The following SYT16 variants were observed in gnomAD, a reference collection of about 807,000 sequenced individuals.
SYT16 encodes synaptotagmin-16.
In SYT16, 42 loss-of-function variants were observed where a neutral mutation model predicts 61.4. That is an observed-to-expected ratio of 0.68 (90% CI 0.53 to 0.89). The LOEUF (loss-of-function observed/expected upper bound fraction) is 0.89. Among genes scored for constraint, SYT16 ranks in the 40% least tolerant of loss-of-function variants. The pLI is 0.00. For missense variants in SYT16, 804 were observed against 807.3 expected (o/e 1.00, Z 0.05); for synonymous variants, 314 against 302.3 (o/e 1.04, Z -0.40).
At chr14:62,038,363 G>T (rs538792378) in intron 3 of SYT16, among the ~76,000 whole-genome samples, 1 of 151,714 alleles carries the variant, frequency 6.6e-6, no homozygotes, top group East Asian at 2.0e-4. Flanking sequence ...TCCATCAGGG[G>T]TGCCTGCAAG....
intron 1 of SYT16, among the ~76,000 whole-genome samples, chr14:61,884,519 G>T (rs994627687): frequency 6.6e-6 from 1 of 152,202 alleles, no homozygotes; most frequent in Non-Finnish European, 1.5e-5. Context: ...GTGATAAACA[G>T]CTTCTCTTCT....
At chr14:61,865,240 C>T in intron 1 of SYT16, 1 of 935,774 alleles carries the variant, frequency 1.1e-6, no homozygotes, top group Non-Finnish European at 1.7e-6. Context: ...TGTTGCTGGA[C>T]ATCAGGCCTA....
chr14:61,938,702 G>C (rs2050087747), intron 1 of SYT16, among the ~76,000 whole-genome samples: 1 of 152,090 alleles, frequency 6.6e-6, no homozygotes, highest in African/African-American at 2.4e-5. Flanking sequence ...ATTAACACCA[G>C]CTAAGGGGGA....
Position 62,107,342 on chromosome 14 carries a change from A to C in SYT16, c.*6635A>C, listed in dbSNP as rs1234127961. 1 of 152,044 alleles carries C rather than the reference A, an allele frequency of 6.6e-6. No homozygotes were observed. The highest frequency in any genetic ancestry group is 1.5e-5 in the Non-Finnish European group (1 of 68,102). 9.4% of individuals were successfully genotyped at this position (152,044 alleles called of 1,614,324 possible). A position where few individuals can be genotyped will look rare whatever the true frequency, so the allele number is the denominator to read the frequency against. ...CAGCTCCTCAGGAAGCTGAGGTGGGAGGATTGCTTGAACCTGTGAGGTCAA... is the reference window on the plus strand; with the variant it reads ...CAGCTCCTCAGGAAGCTGAGGTGGGCGGATTGCTTGAACCTGTGAGGTCAA... On this transcript the variant is annotated 3_prime_UTR_variant, in exon 8 of 8. Transcript: ENST00000683842.
intron 3 of SYT16, among the ~76,000 whole-genome samples, chr14:62,009,213 A>G (rs1413501125): frequency 6.6e-6 from 1 of 152,234 alleles, no homozygotes; most frequent in East Asian, 1.9e-4. Context: ...AAATGAGAAC[A>G]TGGGCAGTGA....
rs944956946 is a variant in SYT16, at chr14:62,096,461, CA to C, written c.1625-3932del. Among the ~76,000 whole-genome samples, 7 of 151,710 alleles carry C rather than the reference CA, an allele frequency of 4.6e-5. 1 individual carries two copies. In the South Asian group the frequency reaches 6.2e-4, roughly 14 times the overall value. Reference sequence around the variant, plus strand: ...TTATAAGCAATTAAATGTTCATTAACAGAATGAAAAAATGAATTATAATTTA... The same window carrying C: ...TTATAAGCAATTAAATGTTCATTAACGAATGAAAAAATGAATTATAATTTA... On this transcript the variant is annotated intron_variant, in intron 7 of 7. Transcript: ENST00000683842.
chr14:61,959,065 C>T (rs1412323773), intron 1 of SYT16, among the ~76,000 whole-genome samples: 1 of 151,994 alleles, frequency 6.6e-6, no homozygotes, highest in African/African-American at 2.4e-5. Context: ...TGAGTATAGC[C>T]ACTTTGCTGT....
At chr14:61,831,929 G>T in intron 1 of SYT16, 1 of 526,610 alleles carries the variant, frequency 1.9e-6, no homozygotes, top group Non-Finnish European at 3.7e-6. Context: ...TTCACCTCAT[G>T]TCCAGCATCC....
intron 1 of SYT16, among the ~76,000 whole-genome samples, chr14:61,847,074 TAAGAC>T (rs201364803): frequency 0.011 from 1,702 of 152,312 alleles, 38 homozygotes; most frequent in African/African-American, 0.039. Flanking sequence ...TCTTTCTACT[TAAGAC>T]TAGTTTACAC....
chr14:61,906,645 T>C (rs996751504), intron 1 of SYT16, among the ~76,000 whole-genome samples: 6 of 152,178 alleles, frequency 3.9e-5, no homozygotes, highest in Non-Finnish European at 7.3e-5. Context: ...CTAGCTGTGA[T>C]GTGAAAATTC....
chr14:62,105,877 G>A lies in SYT16; in HGVS notation c.*5170G>A, dbSNP rs2057503828. On this transcript the variant is annotated 3_prime_UTR_variant, in exon 8 of 8. Transcript: ENST00000683842. Reference sequence around the variant, plus strand: ...GCCAAAGCACTGTTTTGAGTCCTCGGTATCCCAATTAAGGAGAAACATGAA... The same window carrying A: ...GCCAAAGCACTGTTTTGAGTCCTCGATATCCCAATTAAGGAGAAACATGAA... 1 of 152,176 alleles carries A rather than the reference G, an allele frequency of 6.6e-6. No individual in the cohort carries two copies. The highest frequency in any genetic ancestry group is 2.1e-4 in the South Asian group (1 of 4,824). 9.4% of individuals were successfully genotyped at this position (152,176 alleles called of 1,614,324 possible).
chr14:61,871,423 C>T (rs1202716399), intron 1 of SYT16, among the ~76,000 whole-genome samples: 1 of 152,174 alleles, frequency 6.6e-6, no homozygotes, highest in Non-Finnish European at 1.5e-5. Context: ...ATTCTAGTCA[C>T]TGTGGCTTCC....
intron 3 of SYT16, among the ~76,000 whole-genome samples, chr14:62,010,926 T>C (rs1358988066): frequency 1.3e-5 from 2 of 152,236 alleles, no homozygotes; most frequent in Non-Finnish European, 2.9e-5. Flanking sequence ...AAAACTGTTC[T>C]TCAACATTTA....
At chr14:61,949,914 T>G (rs1340617589) in intron 1 of SYT16, among the ~76,000 whole-genome samples, 3 of 152,206 alleles carry the variant, frequency 2.0e-5, no homozygotes, top group Non-Finnish European at 4.4e-5. Flanking sequence ...CACAAGACTT[T>G]GTAACACGGT....
At chr14:62,065,561 T>C (rs1224294735) in intron 3 of SYT16, among the ~76,000 whole-genome samples, 2 of 152,198 alleles carry the variant, frequency 1.3e-5, no homozygotes, top group Admixed American at 6.5e-5. Flanking sequence ...ATTTTATAGA[T>C]GGAAAGATAT....
chr14:62,026,246 A>G (rs2054098461), intron 3 of SYT16, among the ~76,000 whole-genome samples: 1 of 152,178 alleles, frequency 6.6e-6, no homozygotes, highest in Admixed American at 6.5e-5. Flanking sequence ...ATCAAAGTAT[A>G]TTTCAAACTG....
intron 3 of SYT16, among the ~76,000 whole-genome samples, chr14:62,050,553 T>G (rs1319441140): frequency 6.6e-6 from 1 of 152,164 alleles, no homozygotes; most frequent in Non-Finnish European, 1.5e-5. Context: ...GCGCTCCGAA[T>G]TTTAGAGTTT....
At chr14:61,957,288 A>G (rs2050916468) in intron 1 of SYT16, among the ~76,000 whole-genome samples, 1 of 151,736 alleles carries the variant, frequency 6.6e-6, no homozygotes, top group Non-Finnish European at 1.5e-5. Flanking sequence ...TTCCATTCTG[A>G]TTTGGATGAC....
At chr14:61,946,158 T>C (rs1344368315) in intron 1 of SYT16, among the ~76,000 whole-genome samples, 5 of 152,056 alleles carry the variant, frequency 3.3e-5, no homozygotes, top group African/African-American at 1.2e-4. Context: ...TGTATACCTA[T>C]GTAACAAACC....
Sources: allele counts gnomAD v4.1 joint callset (sites outside exome capture counted in the v4.1 genomes callset), GRCh38; gene constraint gnomAD v4.1.1; transcripts MANE v1.5; gene names NCBI Gene and HGNC (gene_info 2026-07-23, HGNC 2026-07-21).